Variants in IST1 observed in about 807,000 individuals in gnomAD.
IST1 encodes the protein IST1 factor associated with ESCRT-III.
Under a neutral mutation model 37.0 loss-of-function variants are expected in IST1, and 23 were observed. That is an observed-to-expected ratio of 0.62 (90% CI 0.45 to 0.88). The LOEUF (loss-of-function observed/expected upper bound fraction) is 0.88. Ranked by LOEUF, IST1 falls within the 40% of genes least tolerant of loss-of-function variation. The pLI, the probability that IST1 is intolerant of heterozygous loss-of-function variation, is 0.00. For missense variants in IST1, 488 were observed against 445.4 expected (o/e 1.10, Z -0.86); for synonymous variants, 180 against 161.7 (o/e 1.11, Z -0.86).
intron 4 of IST1, among the ~76,000 whole-genome samples, chr16:71,918,558 A>G (rs2037514477): frequency 6.6e-6 from 1 of 151,882 alleles, no homozygotes; most frequent in South Asian, 2.1e-4. Flanking sequence ...CTGGGATTAC[A>G]GGTGCCCGCC....
chr16:71,894,756 C>A, upstream of IST1: 1 of 985,640 alleles, frequency 1.0e-6, no homozygotes, highest in Non-Finnish European at 1.5e-6. Flanking sequence ...GGCTGGTCTG[C>A]AACTCCCGGG....
chr16:71,923,686 A>G (rs1217640365), intron 8 of IST1, among the ~76,000 whole-genome samples: 2 of 152,216 alleles, frequency 1.3e-5, no homozygotes, highest in Non-Finnish European at 2.9e-5. Context: ...GACTAGGCAG[A>G]TAATCACACT....
chr16:71,920,857 T>A, intron 5 of IST1, 35 bp downstream of exon 5: 1 of 1,463,780 alleles, frequency 6.8e-7, no homozygotes, highest in South Asian at 1.1e-5. Flanking sequence ...GAAGGCAGTG[T>A]GTGGGAGCAG....
chr16:71,923,989 G>C (rs949945070), intron 8 of IST1: 19 of 386,486 alleles, frequency 4.9e-5, no homozygotes, highest in Middle Eastern at 3.6e-4. Context: ...ATTTTACTGA[G>C]AAACAAATTG....
rs965062279 is a variant in IST1, at chr16:71,929,301, T to C, written c.*1488T>C. 2.2e-5 allele frequency: 8 copies of C among 361,936 alleles called. No homozygotes were observed. Among genetic ancestry groups the C allele is most frequent in the African/African-American group, 2.1e-5 (1 of 47,838 alleles). 22.4% of individuals were successfully genotyped at this position (361,936 alleles called of 1,614,324 possible). The stretch of plus-strand genomic sequence containing the variant: ...CATTTCCCGCAGCCATCCTGGGCCA[T>C]GGGTGGTGAGTTCTGTTACTTGCTG... On this transcript the variant is annotated 3_prime_UTR_variant, in exon 10 of 10. Coordinates refer to ENST00000378799, the MANE Select transcript of IST1 (RefSeq NM_001270975.2).
upstream of IST1, chr16:71,895,378 C>A (rs1374990855): frequency 1.0e-5 from 3 of 286,992 alleles, no homozygotes; most frequent in Non-Finnish European, 1.6e-5. Flanking sequence ...GCCGCGCCGA[C>A]TCCAAAGGAA....
At chr16:71,924,616 A>G (rs2037692905) in intron 8 of IST1, 153 bp from the exon 9 acceptor site, 5 of 664,674 alleles carry the variant, frequency 7.5e-6, no homozygotes, top group East Asian at 5.2e-5. Context: ...CATAGTATCT[A>G]CCTGATTGGA....
intron 1 of IST1, among the ~76,000 whole-genome samples, chr16:71,898,111 A>G (rs2142517743): frequency 6.6e-6 from 1 of 152,182 alleles, no homozygotes; most frequent in Non-Finnish European, 1.5e-5. Context: ...ACCGTGGCTC[A>G]CGCCTGTAAT....
intron 6 of IST1, among the ~76,000 whole-genome samples, chr16:71,922,091 G>T (rs1045991967): frequency 6.6e-6 from 1 of 152,092 alleles, no homozygotes; most frequent in African/African-American, 2.4e-5. Context: ...GGTGAGCCAA[G>T]ATTGTGCCAC....
intron 7 of IST1, 62 bp downstream of exon 7, chr16:71,922,742 G>C: frequency 7.4e-7 from 1 of 1,345,976 alleles, no homozygotes; most frequent in Non-Finnish European, 1.0e-6. Context: ...AGTTGGCTCT[G>C]TGAACACACT....
intron 8 of IST1, chr16:71,924,445 G>T: frequency 4.4e-6 from 2 of 459,022 alleles, no homozygotes; most frequent in Non-Finnish European, 8.0e-6. Flanking sequence ...ACAAAAATTG[G>T]CCAGGCATAG....
intron 1 of IST1, among the ~76,000 whole-genome samples, chr16:71,897,722 G>T (rs2037006360): frequency 1.3e-5 from 2 of 152,072 alleles, no homozygotes; most frequent in South Asian, 2.1e-4. Context: ...GAGGCGGGTG[G>T]ATCACCTGAG....
intron 1 of IST1, among the ~76,000 whole-genome samples, chr16:71,908,288 C>T (rs113357770): frequency 5.5e-5 from 7 of 126,730 alleles, no homozygotes; most frequent in Non-Finnish European, 9.6e-5. Flanking sequence ...TTCCCTTACT[C>T]GTTGTAGCTT....
chr16:71,920,590 A>G, intron 4 of IST1, 149 bp from the exon 5 acceptor site: 1 of 601,420 alleles, frequency 1.7e-6, no homozygotes, highest in Non-Finnish European at 3.0e-6. Context: ...ATGAACAAAT[A>G]GTGGATTAAT....
At chr16:71,912,101 T>G (rs1487465590) in intron 1 of IST1, among the ~76,000 whole-genome samples, 2 of 152,178 alleles carry the variant, frequency 1.3e-5, no homozygotes, top group Non-Finnish European at 2.9e-5. Context: ...CTCATCATCA[T>G]GATCAAGTTT....
chr16:71,915,837 G>T (rs1018526765), intron 2 of IST1, 109 bp downstream of exon 2: 45 of 647,910 alleles, frequency 6.9e-5, no homozygotes, highest in South Asian at 4.2e-4. Context: ...ATTTTTTTTT[G>T]TTGTTTTTGT....
At chr16:71,902,850 G>A (rs1439298700) in intron 1 of IST1, among the ~76,000 whole-genome samples, 1 of 151,966 alleles carries the variant, frequency 6.6e-6, no homozygotes, top group Admixed American at 6.6e-5. Context: ...TGAAGAATCA[G>A]CATTTAGTTT....
Position 71,906,144 on chromosome 16 carries a change from C to T in IST1, c.-15-9482C>T, listed in dbSNP as rs139021610. The stretch of plus-strand genomic sequence containing the variant: ...TCAGCCTCCCGAGTAGCTGAGACTA[C>T]AGGCGAGTGCCACTGCGCCCAGCTG... On this transcript the variant is annotated intron_variant, in intron 1 of 9. Coordinates refer to ENST00000378799, the MANE Select transcript of IST1 (RefSeq NM_001270975.2). Among the ~76,000 whole-genome samples, 322 of 151,754 alleles carry T rather than the reference C, an allele frequency of 2.1e-3. 2 individuals are homozygous for T. Among genetic ancestry groups the T allele is most frequent in the African/African-American group, 7.3e-3 (300 of 41,350 alleles).
intron 1 of IST1, among the ~76,000 whole-genome samples, chr16:71,899,954 G>A (rs1293880598): frequency 7.0e-6 from 1 of 142,220 alleles, no homozygotes; most frequent in Non-Finnish European, 1.5e-5. Flanking sequence ...CCAAGATTGC[G>A]CCACTGCACT....
Sources: allele counts gnomAD v4.1 joint callset (sites outside exome capture counted in the v4.1 genomes callset), GRCh38; gene constraint gnomAD v4.1.1; transcripts MANE v1.5; gene names NCBI Gene and HGNC (gene_info 2026-07-23, HGNC 2026-07-21).